KIAA1217: variants seen among roughly 807,000 people sequenced by gnomAD.
KIAA1217 encodes the protein sickle tail protein homolog.
KIAA1217 carries 88 observed loss-of-function variants against 163.9 expected under a neutral mutation model. The observed-to-expected ratio is 0.54, with a 90% CI of 0.45 to 0.64. The LOEUF is 0.64. Among genes scored for constraint, KIAA1217 ranks in the 30% least tolerant of loss-of-function variants. The pLI, the probability that KIAA1217 is intolerant of heterozygous loss-of-function variation, is 0.00. For synonymous variants in KIAA1217, 903 were observed against 923.1 expected, an observed-to-expected ratio of 0.98 and a Z score of 0.39; for missense variants, 2,372 against 2,475.0, an observed-to-expected ratio of 0.96 and a Z score of 0.88.
intron 1 of KIAA1217, among the ~76,000 whole-genome samples, chr10:23,981,010 T>C (rs1021167785): frequency 6.6e-6 from 1 of 152,218 alleles, no homozygotes; most frequent in Non-Finnish European, 1.5e-5. Flanking sequence ...TAACTTTAGT[T>C]GCGTGGTCAA....
chr10:23,832,906 A>C (rs1006501751), intron 1 of KIAA1217, among the ~76,000 whole-genome samples: 1 of 152,072 alleles, frequency 6.6e-6, no homozygotes, highest in African/African-American at 2.4e-5. Flanking sequence ...TTGTGCAGGA[A>C]AACTCCCTTT....
chr10:23,695,964 G>A lies in KIAA1217; in HGVS notation c.-321+730G>A, dbSNP rs1486945355. On this transcript the variant is annotated intron_variant, in intron 1 of 18. Transcript: ENST00000376462. The surrounding 1 kb of genome is among the most constrained non-coding windows in gnomAD (Gnocchi z 4.9). ...CCCACAGCGGCCGGCCTTCCGGCTG[G>A]CTGCCCTCCCCGCTCGCCGCTCTCC... Among the ~76,000 whole-genome samples, 1 of 152,196 alleles carries A rather than the reference G, an allele frequency of 6.6e-6. No homozygotes were observed. The highest frequency in any genetic ancestry group is 1.5e-5 in the Non-Finnish European group (1 of 68,028).
In KIAA1217 at chr10:23,830,921, A is replaced by G. The variant is rs111690071; in HGVS notation, c.-321+135687A>G. Reference sequence around the variant, plus strand: ...TGTGAAACTGCAGATTTCATGTTAAAGCTAGAAGTCTCTCCAAATGCCCAC... The same window carrying G: ...TGTGAAACTGCAGATTTCATGTTAAGGCTAGAAGTCTCTCCAAATGCCCAC... On this transcript the variant is annotated intron_variant, in intron 1 of 18. Coordinates refer to the KIAA1217 transcript ENST00000376462. Among the ~76,000 whole-genome samples, 786 of 152,246 alleles carry G rather than the reference A, an allele frequency of 5.2e-3. 8 individuals carry two copies. The highest frequency in any genetic ancestry group is 0.017 in the African/African-American group (709 of 41,552).
At chr10:24,021,059 G>A (rs1364344079) in intron 2 of KIAA1217, among the ~76,000 whole-genome samples, 1 of 151,944 alleles carries the variant, frequency 6.6e-6, no homozygotes, top group Non-Finnish European at 1.5e-5. Context: ...CACAACTACT[G>A]AAATTATGTT....
intron 2 of KIAA1217, among the ~76,000 whole-genome samples, chr10:24,186,364 T>C (rs2066428832): frequency 6.6e-6 from 1 of 152,250 alleles, no homozygotes; most frequent in African/African-American, 2.4e-5. Context: ...CTGAAGACTT[T>C]GTGTCTATTA....
chr10:24,279,207 TTTG>T (rs2077629302), intron 2 of KIAA1217, among the ~76,000 whole-genome samples: 1 of 152,052 alleles, frequency 6.6e-6, no homozygotes, highest in African/African-American at 2.4e-5. Context: ...TCCCCATTGT[TTTG>T]TTTTCTTCTT....
intron 2 of KIAA1217, among the ~76,000 whole-genome samples, chr10:24,243,524 T>C (rs917502506): frequency 6.6e-6 from 1 of 151,812 alleles, no homozygotes. Flanking sequence ...GCAGTATTTG[T>C]TTTTTTTGTT....
chr10:24,218,397 A>T (rs1009022692), intron 1 of KIAA1217, among the ~76,000 whole-genome samples: 3 of 152,128 alleles, frequency 2.0e-5, no homozygotes, highest in African/African-American at 4.8e-5. Context: ...ATCAGGATGT[A>T]CCATTGCTCT....
intron 2 of KIAA1217, among the ~76,000 whole-genome samples, chr10:24,129,150 G>C (rs956181674): frequency 3.3e-5 from 5 of 152,178 alleles, no homozygotes; most frequent in Admixed American, 2.6e-4. Context: ...TGCTGATGCA[G>C]ATAGTTCTAC....
rs61446314 is a variant in KIAA1217, at chr10:23,899,565, C to T, written c.-320-107660C>T. Among the ~76,000 whole-genome samples the T allele has an allele frequency of 5.4e-3, 815 of 152,128 alleles. 9 individuals are homozygous for T. Among genetic ancestry groups the T allele is most frequent in the African/African-American group, 0.018 (756 of 41,528 alleles). On this transcript the variant is annotated intron_variant, in intron 1 of 18. Transcript: ENST00000376462. Reference sequence around the variant, plus strand: ...CTGTAACTGCAACTTTTTAATTGACCGTAACTCTGTCAGCTCTTTTCCCCA... The same window carrying T: ...CTGTAACTGCAACTTTTTAATTGACTGTAACTCTGTCAGCTCTTTTCCCCA...
At chr10:24,100,892 G>A (rs2062386865) in intron 2 of KIAA1217, among the ~76,000 whole-genome samples, 1 of 151,972 alleles carries the variant, frequency 6.6e-6, no homozygotes, top group Admixed American at 6.6e-5. Flanking sequence ...TAAAAATTCA[G>A]CAATATACTC....
At chr10:24,478,630 G>A (rs938111987) in intron 6 of KIAA1217, among the ~76,000 whole-genome samples, 2 of 152,184 alleles carry the variant, frequency 1.3e-5, no homozygotes, top group South Asian at 4.1e-4. Flanking sequence ...AGGACTCCAA[G>A]TAGAGAATAG....
chr10:23,854,333 T>A (rs546564385), intron 1 of KIAA1217, among the ~76,000 whole-genome samples: 127 of 152,298 alleles, frequency 8.3e-4, no homozygotes, highest in Admixed American at 4.8e-3. Flanking sequence ...TTTGAGTGAG[T>A]TTCTTAATCC....
intron 2 of KIAA1217, among the ~76,000 whole-genome samples, chr10:24,141,523 C>T (rs1388269580): frequency 6.6e-6 from 1 of 152,156 alleles, no homozygotes; most frequent in Non-Finnish European, 1.5e-5. Context: ...CTTAGGAAGG[C>T]AATCACTTAA....
chr10:24,498,822 A>T (rs1331719618), intron 8 of KIAA1217, among the ~76,000 whole-genome samples: 1 of 152,222 alleles, frequency 6.6e-6, no homozygotes, highest in Non-Finnish European at 1.5e-5. Flanking sequence ...AAACAAAAAA[A>T]TTGCGCTGTG....
At chr10:23,697,181 A>G (rs958607838) in intron 1 of KIAA1217, among the ~76,000 whole-genome samples, 2 of 152,250 alleles carry the variant, frequency 1.3e-5, no homozygotes, top group Non-Finnish European at 1.5e-5. Context: ...AGAGATCACA[A>G]TACCCTTCTC....
intron 2 of KIAA1217, among the ~76,000 whole-genome samples, chr10:24,376,866 G>A (rs1414884983): frequency 6.6e-6 from 1 of 152,092 alleles, no homozygotes; most frequent in Non-Finnish European, 1.5e-5. Flanking sequence ...AGAGTTTCAG[G>A]GCAAGCTGCT....
intron 2 of KIAA1217, among the ~76,000 whole-genome samples, chr10:24,232,883 A>G (rs1250832689): frequency 1.6e-5 from 2 of 123,394 alleles, no homozygotes; most frequent in Admixed American, 1.1e-4. Flanking sequence ...TGGGAGGCTG[A>G]GGCAGGTGGA....
chr10:24,472,550 C>G (rs1455753500), intron 5 of KIAA1217, among the ~76,000 whole-genome samples: 1 of 152,148 alleles, frequency 6.6e-6, no homozygotes. Context: ...ACTATTGATA[C>G]ACTAGACCTG....
Sources: gnomAD v4.1 joint callset for allele counts (sites outside exome capture counted in the v4.1 genomes callset) on GRCh38, gnomAD v4.1.1 for gene constraint, Gnocchi (gnomAD v3.1) non-coding constraint, MANE v1.5 for transcripts, NCBI Gene and HGNC (gene_info 2026-07-23, HGNC 2026-07-21) for gene names.